Variants in ATP9A observed in about 807,000 individuals in gnomAD.
ATP9A encodes the protein ATPase phospholipid transporting 9A.
In ATP9A, 52 loss-of-function variants were observed where a neutral mutation model predicts 144.1. The observed-to-expected ratio is 0.36, with a 90% CI of 0.29 to 0.45. The LOEUF (loss-of-function observed/expected upper bound fraction) is 0.45, where lower values mean the gene tolerates loss of function less well. ATP9A is among the 20% of genes least tolerant of loss of function. The probability of loss-of-function intolerance (pLI) is 1.00; values close to 1 mark genes in which losing one functional copy is unlikely to be tolerated. For missense variants in ATP9A, 947 were observed against 1,392.7 expected (o/e 0.68, Z 5.09); for synonymous variants, 582 against 557.4 (o/e 1.04, Z -0.62).
At chr20:51,664,191 C>T (rs2426365) in intron 13 of ATP9A, among the ~76,000 whole-genome samples, 74,338 of 151,434 alleles carry the variant, frequency 0.49, 18,936 homozygotes, top group East Asian at 0.8. Context: ...GAAAAGTTTT[C>T]CAAGTACCTT....
At chr20:51,719,815 G>A (rs551551305) in intron 3 of ATP9A, among the ~76,000 whole-genome samples, 2 of 151,792 alleles carry the variant, frequency 1.3e-5, no homozygotes, top group Non-Finnish European at 2.9e-5. Flanking sequence ...GGGAGGCCAA[G>A]GCGAGAGGAT....
intron 14 of ATP9A, among the ~76,000 whole-genome samples, chr20:51,648,299 T>C (rs1198018524): frequency 6.6e-6 from 1 of 152,164 alleles, no homozygotes; most frequent in East Asian, 1.9e-4. Flanking sequence ...ACCATGTACT[T>C]GAGCTCTCCA....
rs116311431 is a variant in ATP9A at position 51,638,498 on chromosome 20, A to G, written c.1668+845T>C. ...ATCATGCAGACTGCAGAACAACCAG[A>G]CCAAGTGGCATATGAACACCAGATT... On this transcript the variant is annotated intron_variant, in intron 15 of 27. Transcript: ENST00000338821. Among the ~76,000 whole-genome samples, 666 of 152,184 alleles carry G rather than the reference A, an allele frequency of 4.4e-3. 6 individuals are homozygous for G. Among genetic ancestry groups the G allele is most frequent in the African/African-American group, 0.015 (614 of 41,530 alleles).
At chr20:51,617,250 A>T (rs1417652895) in intron 22 of ATP9A, among the ~76,000 whole-genome samples, 1 of 150,496 alleles carries the variant, frequency 6.6e-6, no homozygotes, top group African/African-American at 2.4e-5. Flanking sequence ...GGGCCTAGAA[A>T]CACTTTTTCT....
intron 14 of ATP9A, among the ~76,000 whole-genome samples, chr20:51,640,995 C>T (rs1285233701): frequency 1.3e-5 from 2 of 152,084 alleles, no homozygotes; most frequent in African/African-American, 2.4e-5. Context: ...GAGGTTGACG[C>T]AGGAGGATCA....
chr20:51,655,890 T>C (rs2077385009), intron 14 of ATP9A, among the ~76,000 whole-genome samples: 2 of 152,162 alleles, frequency 1.3e-5, no homozygotes, highest in South Asian at 4.1e-4. Context: ...TGTGCATTAA[T>C]TGATGAATGG....
In ATP9A at chr20:51,627,583, G is replaced by T; in HGVS notation, c.1845+17C>A. 1 of 1,611,934 alleles carries T rather than the reference G, an allele frequency of 6.2e-7. No homozygotes were observed. The highest frequency in any genetic ancestry group is 8.5e-7 in the Non-Finnish European group (1 of 1,178,000). ...GTGGGGCTGCAAAGGCAATGGAAAG[G>T]TCCCAGAACAACTTACTTCAAAGTC... On this transcript the variant is annotated intron_variant, in intron 17 of 27. Coordinates refer to ENST00000338821, the MANE Select transcript of ATP9A (RefSeq NM_006045.3).
chr20:51,726,889 CTTTTTTTTTTT>C (rs55719132), intron 2 of ATP9A, among the ~76,000 whole-genome samples: 30,315 of 94,536 alleles, frequency 0.32, 3,652 homozygotes, highest in Middle Eastern at 0.38. Context: ...TGTGTTATTT[CTTTTTTTTTTT>C]TTTTTTTTTT....
In ATP9A at chr20:51,674,326, G is replaced by A; in HGVS notation, c.877-13C>T. ...CGAACAGGCCGATCTGTGGGACGAA[G>A]CACAAACCAGGGCTTGAGATGAGCT... On this transcript the variant is annotated splice_polypyrimidine_tract_variant and intron_variant, in intron 10 of 27. Coordinates refer to ENST00000338821, the MANE Select transcript of ATP9A (RefSeq NM_006045.3). 1 of 1,611,954 alleles carries A rather than the reference G, an allele frequency of 6.2e-7. No individual in the cohort carries two copies. The highest frequency in any genetic ancestry group is 8.5e-7 in the Non-Finnish European group (1 of 1,179,672).
chr20:51,606,777 T>G (rs1281269681), intron 26 of ATP9A, among the ~76,000 whole-genome samples: 1 of 152,006 alleles, frequency 6.6e-6, no homozygotes, highest in African/African-American at 2.4e-5. Context: ...CTCAGAAGGC[T>G]GAGGTAGGGG....
chr20:51,719,569 C>G lies in ATP9A; in HGVS notation c.327+6250G>C, dbSNP rs1245170980. Reference sequence around the variant, plus strand: ...CCAACATGGTGAAACCCCGTCTCTACTAAAAATACAAAAATTAGCTGGGCG... The same window carrying G: ...CCAACATGGTGAAACCCCGTCTCTAGTAAAAATACAAAAATTAGCTGGGCG... On this transcript the variant is annotated intron_variant, in intron 3 of 27. Coordinates refer to ENST00000338821, the MANE Select transcript of ATP9A (RefSeq NM_006045.3). Among the ~76,000 whole-genome samples the G allele has an allele frequency of 2.6e-5, 4 of 151,410 alleles. No individual in the cohort carries two copies. The East Asian group carries it at 7.8e-4, about 30-fold the overall frequency.
Position 51,656,967 on chromosome 20 carries a change from G to C in ATP9A, c.1477C>G (p.Arg493Gly). The change falls in exon 14 of 28, where the codon CGC becomes GGC. Residue 493 changes from arginine (R) to glycine (G), a missense_variant. Transcript: ENST00000338821. ...TCGGGGCTGGATGCCTGGTATACGC[G>C]GCAGGAGTCTTCGTACTGCTTCTCG... ...EAEKQYEDSCRVYQASSPDEV... is the reference protein window; with the variant it reads ...EAEKQYEDSCGVYQASSPDEV... The C allele has an allele frequency of 1.2e-6, 2 of 1,614,080 alleles. No homozygotes were observed. The highest frequency in any genetic ancestry group is 1.7e-6 in the Non-Finnish European group (2 of 1,180,006).
intron 3 of ATP9A, among the ~76,000 whole-genome samples, chr20:51,720,802 C>A (rs1379228352): frequency 2.0e-5 from 3 of 152,124 alleles, no homozygotes; most frequent in Non-Finnish European, 4.4e-5. Flanking sequence ...CCATTGCACT[C>A]CAATCTAGGC....
intron 22 of ATP9A, 125 bp from the exon 23 acceptor site, chr20:51,613,957 G>T: frequency 9.2e-7 from 1 of 1,081,614 alleles, no homozygotes; most frequent in Non-Finnish European, 1.3e-6. Flanking sequence ...AAATTCTTTG[G>T]TTTCAAGCTA....
chr20:51,696,082 C>CA lies in ATP9A; in HGVS notation c.547+10dup. ...TAATGGTTATTTTCCAAATTGATCTCAGATGTTTACCGTTTTTTTCTGATG... is the reference window on the plus strand; with the variant it reads ...TAATGGTTATTTTCCAAATTGATCTCAAGATGTTTACCGTTTTTTTCTGATG... On this transcript the variant is annotated intron_variant, in intron 6 of 27. Transcript: ENST00000338821. 6 of 1,610,850 alleles carry CA rather than the reference C, an allele frequency of 3.7e-6. No individual in the cohort carries two copies. Among genetic ancestry groups the CA allele is most frequent in the Non-Finnish European group, 5.1e-6 (6 of 1,177,054 alleles).
Position 51,596,608 on chromosome 20 carries a change from AT to A in ATP9A, c.*4602del, listed in dbSNP as rs1291814405. 1 of 152,158 alleles carries A rather than the reference AT, an allele frequency of 6.6e-6. No homozygotes were observed. The highest frequency in any genetic ancestry group is 2.4e-5 in the African/African-American group (1 of 41,420). 9.4% of individuals were successfully genotyped at this position (152,158 alleles called of 1,614,324 possible). ...ACAAAATAATAAATAACATGCATTGATTTGGGGTTTTTTTTGCCAAAATCAA... is the reference window on the plus strand; with the variant it reads ...ACAAAATAATAAATAACATGCATTGATTGGGGTTTTTTTTGCCAAAATCAA... On this transcript the variant is annotated 3_prime_UTR_variant, in exon 28 of 28. Coordinates refer to ENST00000338821, the MANE Select transcript of ATP9A (RefSeq NM_006045.3).
chr20:51,732,704 C>T (rs2077747303), intron 1 of ATP9A: 1 of 151,954 alleles, frequency 6.6e-6, no homozygotes, highest in Non-Finnish European at 1.5e-5. Context: ...CTCAAGGAGT[C>T]CAACCACTCT....
chr20:51,607,285 C>T (rs1200190736), intron 26 of ATP9A, among the ~76,000 whole-genome samples: 1 of 152,212 alleles, frequency 6.6e-6, no homozygotes, highest in African/African-American at 2.4e-5. Context: ...GCCCCACAGG[C>T]TTTGATTACT....
chr20:51,597,544 A>C lies in ATP9A; in HGVS notation c.*3667T>G, dbSNP rs181571956. On this transcript the variant is annotated 3_prime_UTR_variant, in exon 28 of 28. Coordinates refer to ENST00000338821, the MANE Select transcript of ATP9A (RefSeq NM_006045.3). The stretch of plus-strand genomic sequence containing the variant: ...CTCTCGCTCTTTCACACACACACAC[A>C]CCCCCCACACACTTCAAACATACAG... 1,206 of 152,072 alleles carry C rather than the reference A, an allele frequency of 7.9e-3. 8 individuals are homozygous for C. Among genetic ancestry groups the C allele is most frequent in the Middle Eastern group, 0.02 (6 of 294 alleles). The allele number at this position is 152,072 out of a possible 1,614,324, so 9.4% of individuals were successfully genotyped here.
Sources: gnomAD v4.1 joint callset for allele counts (sites outside exome capture counted in the v4.1 genomes callset) on GRCh38, gnomAD v4.1.1 for gene constraint, MANE v1.5 for transcripts, NCBI Gene and HGNC (gene_info 2026-07-23, HGNC 2026-07-21) for gene names.